The following FNBP1 variants were observed in gnomAD, a reference collection of about 807,000 sequenced individuals.
FNBP1 encodes formin-binding protein 1.
In FNBP1, 26 loss-of-function variants were observed where a neutral mutation model predicts 90.6. That is an observed-to-expected ratio of 0.29 (90% CI 0.21 to 0.40). The LOEUF (loss-of-function observed/expected upper bound fraction) is 0.40. FNBP1 is among the 10% of genes least tolerant of loss of function. The pLI is 1.00. For missense variants in FNBP1, 635 were observed against 768.0 expected, an observed-to-expected ratio of 0.83 and a Z score of 2.05; for synonymous variants, 260 against 265.2, an observed-to-expected ratio of 0.98 and a Z score of 0.19.
chr9:129,958,638 A>G (rs2047309243), intron 4 of FNBP1, 85 bp from the exon 5 acceptor site: 1 of 1,048,358 alleles, frequency 9.5e-7, no homozygotes, highest in Non-Finnish European at 1.4e-6. Flanking sequence ...CACTTAAACA[A>G]CATCTAAATA....
chr9:130,034,975 C>T (rs867356463), intron 1 of FNBP1, among the ~76,000 whole-genome samples: 9 of 152,052 alleles, frequency 5.9e-5, no homozygotes, highest in East Asian at 1.9e-4. Flanking sequence ...AGAAAGACCC[C>T]GTCTCTACAA....
chr9:129,940,422 T>G (rs976749469), intron 6 of FNBP1, among the ~76,000 whole-genome samples: 3 of 152,048 alleles, frequency 2.0e-5, no homozygotes, highest in Non-Finnish European at 4.4e-5. Context: ...ATAGAATAAT[T>G]TGAAGAGACT....
chr9:130,020,589 GT>G (rs1035545072), intron 1 of FNBP1, among the ~76,000 whole-genome samples: 1 of 152,094 alleles, frequency 6.6e-6, no homozygotes, highest in East Asian at 1.9e-4. Flanking sequence ...TAAAGCCACT[GT>G]TTCTGTAACA....
Position 129,931,879 on chromosome 9 carries a change from A to AG in FNBP1, c.514-2185_514-2184insC, listed in dbSNP as rs2042794316. 4.7e-3 allele frequency among the ~76,000 whole-genome samples: 4 copies of AG among 850 alleles called. No homozygotes were observed. In the South Asian group the frequency reaches 0.077, roughly 16 times the overall value. The allele number at this position is 850 out of a possible 152,430, so 0.6% of individuals were successfully genotyped here. On this transcript the variant is annotated intron_variant, in intron 6 of 16. Coordinates refer to ENST00000446176, the MANE Select transcript of FNBP1 (RefSeq NM_015033.3). ...AAGAAAGAAAATCAGAAACACAAGA[A>AG]AAAGACAGAAAAGAAGAAAAGAGAG...
chr9:130,000,947 A>G (rs2054741971), intron 1 of FNBP1, among the ~76,000 whole-genome samples: 2 of 152,226 alleles, frequency 1.3e-5, no homozygotes. Flanking sequence ...ACTATTAAAA[A>G]GATGTATCTT....
chr9:130,011,255 T>A (rs1235719873), intron 1 of FNBP1, among the ~76,000 whole-genome samples: 12 of 67,588 alleles, frequency 1.8e-4, no homozygotes, highest in Non-Finnish European at 3.2e-4. Context: ...TATATATATA[T>A]ATATATATAT....
chr9:129,913,759 A>G (rs1490541295), intron 11 of FNBP1, among the ~76,000 whole-genome samples: 1 of 152,008 alleles, frequency 6.6e-6, no homozygotes, highest in Non-Finnish European at 1.5e-5. Flanking sequence ...GGACAGAGCG[A>G]GACTCTGTCT....
intron 1 of FNBP1, among the ~76,000 whole-genome samples, chr9:130,004,297 T>C (rs2055332731): frequency 1.3e-5 from 2 of 151,714 alleles, no homozygotes; most frequent in Non-Finnish European, 2.9e-5. Context: ...CCAACATTAA[T>C]TCAAAATCCC....
At chr9:129,948,338 A>G (rs1415339864) in intron 6 of FNBP1, among the ~76,000 whole-genome samples, 1 of 149,830 alleles carries the variant, frequency 6.7e-6, no homozygotes, top group African/African-American at 2.5e-5. Flanking sequence ...TGCTCATACA[A>G]AACACCTATT....
At chr9:130,021,372 TGTAAA>T (rs1229902746) in intron 1 of FNBP1, among the ~76,000 whole-genome samples, 1 of 152,208 alleles carries the variant, frequency 6.6e-6, no homozygotes, top group Non-Finnish European at 1.5e-5. Context: ...CTGTAATTAC[TGTAAA>T]GTATTTTTAA....
intron 1 of FNBP1, among the ~76,000 whole-genome samples, chr9:130,020,320 T>C (rs1248999785): frequency 6.6e-6 from 1 of 151,862 alleles, no homozygotes; most frequent in Non-Finnish European, 1.5e-5. Context: ...GTGATTCTTG[T>C]TGCCTCAGCC....
chr9:129,960,383 C>CAAAAAAAAAAAAAAAAAAAAAAA (rs10715833), intron 4 of FNBP1, among the ~76,000 whole-genome samples: 2 of 80,450 alleles, frequency 2.5e-5, no homozygotes, highest in Non-Finnish European at 4.8e-5. Context: ...GACTCCATCT[C>CAAAAAAAAAAAAAAAAAAAAAAA]AAAAAAAAAA....
chr9:129,967,930 C>T (rs2048865085), intron 4 of FNBP1, among the ~76,000 whole-genome samples: 1 of 151,744 alleles, frequency 6.6e-6, no homozygotes, highest in Admixed American at 6.6e-5. Context: ...TGGTCTTGAA[C>T]TCCCCGGCCC....
chr9:129,942,400 A>C (rs1236731784), intron 6 of FNBP1, among the ~76,000 whole-genome samples: 1 of 152,180 alleles, frequency 6.6e-6, no homozygotes. Flanking sequence ...CTCCTAGGCC[A>C]GTACAACCCC....
At chr9:130,047,857 G>C (rs573426845), upstream of FNBP1, among the ~76,000 whole-genome samples, 1 of 151,966 alleles carries the variant, frequency 6.6e-6, no homozygotes, top group Non-Finnish European at 1.5e-5. Flanking sequence ...CATCTAATTC[G>C]GGATCTTAGG....
At chr9:130,012,327 T>C (rs1417256968) in intron 1 of FNBP1, among the ~76,000 whole-genome samples, 1 of 152,184 alleles carries the variant, frequency 6.6e-6, no homozygotes, top group Non-Finnish European at 1.5e-5. Flanking sequence ...GTAAATTACC[T>C]CATGCTTAGC....
Position 129,900,611 on chromosome 9 carries a change from T to G in FNBP1, c.1429-64A>C. ...ATCTGAGGGTCAGCCCAGAGTGTCC[T>G]AAGGTCCCAAAGGCCATCTGAGGGC... On this transcript the variant is annotated intron_variant, in intron 13 of 16. Coordinates refer to ENST00000446176, the MANE Select transcript of FNBP1 (RefSeq NM_015033.3). The surrounding 1 kb of genome is among the most constrained non-coding windows in gnomAD (Gnocchi z 4.1). The G allele has an allele frequency of 7.2e-7, 1 of 1,389,148 alleles. No individual in the cohort carries two copies. The highest frequency in any genetic ancestry group is 9.3e-7 in the Non-Finnish European group (1 of 1,071,634). 86.1% of individuals were successfully genotyped at this position (1,389,148 alleles called of 1,614,324 possible).
intron 16 of FNBP1, among the ~76,000 whole-genome samples, chr9:129,892,723 G>T (rs1225747107): frequency 6.6e-6 from 1 of 152,074 alleles, no homozygotes; most frequent in Non-Finnish European, 1.5e-5. Flanking sequence ...TGATTCTTTG[G>T]AATTTGGTTT....
chr9:129,974,858 GAA>G (rs566556317), intron 4 of FNBP1, among the ~76,000 whole-genome samples: 1 of 75,174 alleles, frequency 1.3e-5, no homozygotes, highest in Admixed American at 1.4e-4. Context: ...AGACCCTGAA[GAA>G]AAAAAAAAAA....
Sources: allele counts gnomAD v4.1 joint callset (sites outside exome capture counted in the v4.1 genomes callset), GRCh38; gene constraint gnomAD v4.1.1; non-coding constraint Gnocchi (gnomAD v3.1); transcripts MANE v1.5; gene names NCBI Gene and HGNC (gene_info 2026-07-23, HGNC 2026-07-21).